GPBP1: variants seen among roughly 807,000 people sequenced by gnomAD.
The protein encoded by GPBP1 is GC-rich promoter binding protein 1, also known as vasculin.
In GPBP1, 13 loss-of-function variants were observed where a neutral mutation model predicts 56.5. That is an observed-to-expected ratio of 0.23 (90% CI 0.15 to 0.37). The LOEUF is 0.37. GPBP1 is among the 10% of genes least tolerant of loss of function. The pLI is 1.00. For missense variants in GPBP1, 477 were observed against 572.3 expected, an observed-to-expected ratio of 0.83 and a Z score of 1.70; for synonymous variants, 204 against 188.9, an observed-to-expected ratio of 1.08 and a Z score of -0.66.
chr5:57,201,270 G>A (rs1285392765), intron 2 of GPBP1, among the ~76,000 whole-genome samples: 2 of 152,224 alleles, frequency 1.3e-5, no homozygotes, highest in Non-Finnish European at 2.9e-5. Context: ...GGACTTACAA[G>A]TGTGTGCTAC....
intron 3 of GPBP1, among the ~76,000 whole-genome samples, chr5:57,217,112 T>C (rs1386900964): frequency 6.6e-6 from 1 of 152,196 alleles, no homozygotes; most frequent in African/African-American, 2.4e-5. Flanking sequence ...AGAAATGGAC[T>C]TTTTTGATAG....
chr5:57,244,650 A>G (rs1740997537), intron 6 of GPBP1, among the ~76,000 whole-genome samples: 1 of 151,158 alleles, frequency 6.6e-6, no homozygotes, highest in South Asian at 2.1e-4. Context: ...TGCCATTATC[A>G]TCTGTTTACC....
intron 2 of GPBP1, among the ~76,000 whole-genome samples, chr5:57,207,349 A>G (rs577315703): frequency 5.7e-4 from 86 of 152,204 alleles, no homozygotes; most frequent in African/African-American, 2.0e-3. Context: ...GAAATAGTGA[A>G]ACTTAGTGAA....
chr5:57,245,361 C>T (rs1236210632), intron 6 of GPBP1: 1 of 152,174 alleles, frequency 6.6e-6, no homozygotes, highest in Non-Finnish European at 1.5e-5. Flanking sequence ...GAGAGTCCCT[C>T]CGGGTTTCCC....
chr5:57,254,164 G>C (rs577097947), intron 10 of GPBP1, among the ~76,000 whole-genome samples: 1 of 152,230 alleles, frequency 6.6e-6, no homozygotes, highest in Non-Finnish European at 1.5e-5. Flanking sequence ...GGGCTCAAGC[G>C]ATCCTCCTGC....
intron 9 of GPBP1, among the ~76,000 whole-genome samples, chr5:57,250,562 T>C (rs1741334027): frequency 6.6e-6 from 1 of 151,562 alleles, no homozygotes; most frequent in African/African-American, 2.4e-5. Context: ...TTTTTTTTTT[T>C]TTTAGAGTTT....
intron 2 of GPBP1, among the ~76,000 whole-genome samples, chr5:57,181,347 G>A (rs1754035892): frequency 6.6e-6 from 1 of 150,656 alleles, no homozygotes; most frequent in Non-Finnish European, 1.5e-5. Context: ...AAATGAATAA[G>A]AATTAAAGAG....
At chr5:57,208,255 A>G (rs1031844130) in intron 2 of GPBP1, among the ~76,000 whole-genome samples, 5 of 152,028 alleles carry the variant, frequency 3.3e-5, no homozygotes, top group Admixed American at 1.3e-4. Flanking sequence ...CTCCATATCA[A>G]TAGAGTCTCA....
rs548616683 is a variant in GPBP1 at position 57,200,659 on chromosome 5, G to A, written c.-57-13415G>A. ...TGAGATTACAGGTGTCAGCCACTGC[G>A]CCTGGCCTGAAAATTTTAAATAACA... On this transcript the variant is annotated intron_variant, in intron 2 of 11. Coordinates refer to ENST00000506184, the MANE Select transcript of GPBP1 (RefSeq NM_022913.4). Among the ~76,000 whole-genome samples, 8 of 151,942 alleles carry A rather than the reference G, an allele frequency of 5.3e-5. No individual in the cohort carries two copies. In the South Asian group the frequency reaches 6.2e-4, roughly 12 times the overall value.
At chr5:57,205,562 T>C (rs1009038238) in intron 2 of GPBP1, among the ~76,000 whole-genome samples, 1 of 151,310 alleles carries the variant, frequency 6.6e-6, no homozygotes, top group Non-Finnish European at 1.5e-5. Flanking sequence ...TTTCCACATC[T>C]TTGCTAACAT....
intron 2 of GPBP1, among the ~76,000 whole-genome samples, chr5:57,189,799 G>C (rs2111626882): frequency 6.6e-6 from 1 of 152,238 alleles, no homozygotes; most frequent in South Asian, 2.1e-4. Flanking sequence ...CTTGCTTACT[G>C]TCTTACTGGC....
intron 3 of GPBP1, among the ~76,000 whole-genome samples, chr5:57,221,777 T>C (rs1307544497): frequency 1.3e-5 from 2 of 152,306 alleles, no homozygotes; most frequent in Non-Finnish European, 2.9e-5. Flanking sequence ...ATGTAAGCAG[T>C]GTCAGCTTGC....
chr5:57,203,848 G>A (rs1333205064), intron 2 of GPBP1, among the ~76,000 whole-genome samples: 4 of 152,098 alleles, frequency 2.6e-5, no homozygotes, highest in Non-Finnish European at 5.9e-5. Flanking sequence ...AGATAGCTTG[G>A]TAACTAACAG....
intron 1 of GPBP1, among the ~76,000 whole-genome samples, 196 bp downstream of exon 1, chr5:57,174,407 C>G (rs1038627111): frequency 6.6e-6 from 1 of 151,744 alleles, no homozygotes; most frequent in East Asian, 1.9e-4. Flanking sequence ...TTGACTCGGC[C>G]CGGGTGGAGC....
chr5:57,201,600 TAAG>T (rs1755026397), intron 2 of GPBP1, among the ~76,000 whole-genome samples: 1 of 152,214 alleles, frequency 6.6e-6, no homozygotes, highest in African/African-American at 2.4e-5. Context: ...ACAAATTGCT[TAAG>T]AAACACCTAG....
chr5:57,240,999 T>A (rs1488291241), intron 6 of GPBP1, among the ~76,000 whole-genome samples: 2 of 152,072 alleles, frequency 1.3e-5, no homozygotes, highest in African/African-American at 4.8e-5. Flanking sequence ...AATTGTCTAC[T>A]ATGTAAAAAT....
At chr5:57,237,784 C>T (rs929515399) in intron 6 of GPBP1, among the ~76,000 whole-genome samples, 13 of 151,766 alleles carry the variant, frequency 8.6e-5, no homozygotes, top group Non-Finnish European at 2.9e-5. Context: ...TTCAATAGAG[C>T]TTTTCTAGTG....
chr5:57,218,099 T>C (rs1322860421), intron 3 of GPBP1, among the ~76,000 whole-genome samples: 1 of 152,190 alleles, frequency 6.6e-6, no homozygotes, highest in African/African-American at 2.4e-5. Context: ...TTTTTTCCTC[T>C]CTACTCTCAA....
intron 5 of GPBP1, among the ~76,000 whole-genome samples, chr5:57,233,522 C>G (rs1458715900): frequency 6.6e-6 from 1 of 152,102 alleles, no homozygotes; most frequent in African/African-American, 2.4e-5. Flanking sequence ...TGACCAAACT[C>G]TTGATTATAA....
Sources: gnomAD v4.1 joint callset for allele counts (sites outside exome capture counted in the v4.1 genomes callset) on GRCh38, gnomAD v4.1.1 for gene constraint, MANE v1.5 for transcripts, NCBI Gene and HGNC (gene_info 2026-07-23, HGNC 2026-07-21) for gene names.